Variants in VWA8 observed in about 807,000 individuals in gnomAD.
VWA8 encodes the protein von Willebrand factor A domain-containing protein 8.
In VWA8, 221 loss-of-function variants were observed where a neutral mutation model predicts 241.5. The observed-to-expected ratio is 0.91, with a 90% confidence interval of 0.82 to 1.02. The LOEUF (loss-of-function observed/expected upper bound fraction) is 1.02, where lower values mean the gene tolerates loss of function less well. VWA8 is among the 50% of genes least tolerant of loss of function. The pLI, the probability that VWA8 is intolerant of heterozygous loss-of-function variation, is 0.00. For synonymous variants in VWA8, 852 were observed against 827.1 expected (o/e 1.03, Z -0.52); for missense variants, 2,322 against 2,328.7 (o/e 1.00, Z 0.06).
Position 41,587,519 on chromosome 13 carries a change from T to G in VWA8, c.5264A>C (p.Lys1755Thr). The G allele has an allele frequency of 1.9e-6, 3 of 1,614,188 alleles. No individual in the cohort carries two copies. Among genetic ancestry groups the G allele is most frequent in the Non-Finnish European group, 2.5e-6 (3 of 1,180,042 alleles). Reference protein sequence around the residue: ...VMEAFENYEEKFQYDIVGHSG... With the variant: ...VMEAFENYEETFQYDIVGHSG... The stretch of plus-strand genomic sequence containing the variant: ...CTTAGTTCATGTCATTACCTGGAAC[T>G]TCTCCTCATAGTTCTCGAAGGCTTC... Residue 1755 changes from lysine to threonine, a missense_variant, in exon 42 of 45, where the codon AAG becomes ACG. Transcript: ENST00000379310.
chr13:41,880,720 T>C (rs1201724003), intron 9 of VWA8, among the ~76,000 whole-genome samples: 4 of 152,152 alleles, frequency 2.6e-5, no homozygotes, highest in Non-Finnish European at 4.4e-5. Flanking sequence ...TGGCCAAACA[T>C]ACATCATGAA....
chr13:41,747,678 T>G (rs375255458), intron 21 of VWA8, among the ~76,000 whole-genome samples: 1 of 18,338 alleles, frequency 5.5e-5, no homozygotes, highest in East Asian at 4.1e-3. Context: ...TCTTGTGCCA[T>G]TTTCAAAGGG....
chr13:41,758,391 TAC>T (rs1382974368), intron 21 of VWA8, among the ~76,000 whole-genome samples: 17 of 12,744 alleles, frequency 1.3e-3, no homozygotes, highest in African/African-American at 2.1e-3. Flanking sequence ...TATATATATA[TAC>T]GCTAGTATAT....
In VWA8 at chr13:41,907,707, G is replaced by C; in HGVS notation, c.373-11C>G. ...CCGTTTGGTCAGCTCCTGTAGAGAA[G>C]AGAATGAAATTATTCCAAAAATAAA... On this transcript the variant is annotated splice_polypyrimidine_tract_variant and intron_variant, in intron 3 of 44. Transcript: ENST00000379310. 1.9e-6 allele frequency: 3 copies of C among 1,607,018 alleles called. No individual in the cohort carries two copies. The highest frequency in any genetic ancestry group is 1.3e-5 in the African/African-American group (1 of 74,888).
At chr13:41,617,310 G>C (rs1405387973) in intron 37 of VWA8, among the ~76,000 whole-genome samples, 1 of 151,920 alleles carries the variant, frequency 6.6e-6, no homozygotes, top group Non-Finnish European at 1.5e-5. Flanking sequence ...GTAGAAACAG[G>C]GTTTCACCAT....
intron 13 of VWA8, among the ~76,000 whole-genome samples, chr13:41,833,037 T>C (rs60111604): frequency 0.019 from 2,839 of 152,174 alleles, 91 homozygotes; most frequent in African/African-American, 0.064. Context: ...CTCTGACAAA[T>C]TATAGAAACT....
intron 14 of VWA8, among the ~76,000 whole-genome samples, chr13:41,827,443 A>G (rs1390872535): frequency 6.6e-6 from 1 of 152,214 alleles, no homozygotes; most frequent in African/African-American, 2.4e-5. Context: ...ATACCAAAAG[A>G]AAAACCTGAA....
At chr13:41,838,740 T>TA (rs926380217) in intron 12 of VWA8, among the ~76,000 whole-genome samples, 5 of 151,886 alleles carry the variant, frequency 3.3e-5, no homozygotes, top group South Asian at 2.1e-4. Context: ...AGAGTGACAC[T>TA]AAAAAAAAGT....
intron 30 of VWA8, among the ~76,000 whole-genome samples, chr13:41,692,519 C>T (rs978818942): frequency 6.6e-6 from 1 of 151,852 alleles, no homozygotes; most frequent in African/African-American, 2.4e-5. Context: ...CATATAAATC[C>T]AAAACATAAC....
At chr13:41,932,067 T>G (rs1303295849) in intron 2 of VWA8, among the ~76,000 whole-genome samples, 1 of 151,990 alleles carries the variant, frequency 6.6e-6, no homozygotes, top group Non-Finnish European at 1.5e-5. Context: ...CTGGTCAGAC[T>G]ATTAAGAGAG....
chr13:41,770,453 A>AAAAG (rs1555333078), intron 20 of VWA8, among the ~76,000 whole-genome samples: 1 of 151,432 alleles, frequency 6.6e-6, no homozygotes, highest in African/African-American at 2.4e-5. Flanking sequence ...AAAAAAAAAA[A>AAAAG]AAAAGAAAAG....
chr13:41,882,053 G>T (rs1439741101), intron 9 of VWA8, among the ~76,000 whole-genome samples: 6 of 126,284 alleles, frequency 4.8e-5, no homozygotes, highest in Non-Finnish European at 9.9e-5. Flanking sequence ...TCAGACGGGC[G>T]GTTGCCAGGC....
intron 4 of VWA8, among the ~76,000 whole-genome samples, chr13:41,894,776 A>AT (rs1382836842): frequency 6.6e-6 from 1 of 152,238 alleles, no homozygotes; most frequent in African/African-American, 2.4e-5. Context: ...GTAATGAGCT[A>AT]TATCAATCTC....
intron 42 of VWA8, among the ~76,000 whole-genome samples, chr13:41,585,165 T>C (rs1238491398): frequency 3.3e-5 from 5 of 152,210 alleles, no homozygotes; most frequent in Non-Finnish European, 5.9e-5. Flanking sequence ...TCTAGTTTCA[T>C]TAATAGTTCT....
intron 37 of VWA8, among the ~76,000 whole-genome samples, chr13:41,635,600 G>A (rs1322101631): frequency 6.6e-6 from 1 of 152,180 alleles, no homozygotes; most frequent in Non-Finnish European, 1.5e-5. Flanking sequence ...AGCCCAATGA[G>A]ACCTGGTTCT....
chr13:41,744,697 C>T (rs957998956), intron 21 of VWA8, among the ~76,000 whole-genome samples: 17 of 152,140 alleles, frequency 1.1e-4, no homozygotes, highest in Non-Finnish European at 2.2e-4. Context: ...CTGTAAGAAA[C>T]CTGCAGCTGG....
chr13:41,618,097 G>A (rs1452290017), intron 37 of VWA8, among the ~76,000 whole-genome samples: 1 of 152,224 alleles, frequency 6.6e-6, no homozygotes, highest in African/African-American at 2.4e-5. Context: ...CCCACCAACA[G>A]TGTAAAAGCG....
At chr13:41,657,501 G>C (rs928164840) in intron 37 of VWA8, among the ~76,000 whole-genome samples, 2 of 65,274 alleles carry the variant, frequency 3.1e-5, no homozygotes, top group Non-Finnish European at 6.2e-5. Context: ...TTTTTTTTTT[G>C]AAACGGAGTC....
chr13:41,795,188 A>G (rs193100424), intron 17 of VWA8, among the ~76,000 whole-genome samples: 2 of 147,878 alleles, frequency 1.4e-5, no homozygotes, highest in East Asian at 4.0e-4. Flanking sequence ...GCCAACGAAC[A>G]TGAAAAAAAG....
Sources: gnomAD v4.1 joint callset for allele counts (sites outside exome capture counted in the v4.1 genomes callset) on GRCh38, gnomAD v4.1.1 for gene constraint, MANE v1.5 for transcripts, NCBI Gene and HGNC (gene_info 2026-07-23, HGNC 2026-07-21) for gene names.